The following KLHL1 variants were observed in gnomAD, a reference collection of about 807,000 sequenced individuals.
The protein encoded by KLHL1 is kelch like family member 1.
Under a neutral mutation model 77.7 loss-of-function variants are expected in KLHL1, and 47 were observed. The observed-to-expected ratio is 0.60, with a 90% CI of 0.48 to 0.77. The LOEUF (loss-of-function observed/expected upper bound fraction) is 0.77. Among genes scored for constraint, KLHL1 ranks in the 30% least tolerant of loss-of-function variants. The pLI is 0.00. For missense variants in KLHL1, 925 were observed against 910.8 expected (o/e 1.02, Z -0.20); for synonymous variants, 360 against 325.2 (o/e 1.11, Z -1.15).
At chr13:69,864,592 T>C (rs767915856) in intron 5 of KLHL1, among the ~76,000 whole-genome samples, 17 of 152,098 alleles carry the variant, frequency 1.1e-4, no homozygotes, top group Non-Finnish European at 2.2e-4. Flanking sequence ...ATTTTTCAAA[T>C]ATAGTTACTG....
chr13:70,084,650 A>ATTTTTTTTTC (rs1887486259), intron 1 of KLHL1, among the ~76,000 whole-genome samples: 1 of 14,430 alleles, frequency 6.9e-5, no homozygotes, highest in African/African-American at 2.7e-4. Flanking sequence ...TTTTTTTTTG[A>ATTTTTTTTTC]ATTTTTAGTA....
At chr13:69,871,162 G>T (rs1410869802) in intron 5 of KLHL1, among the ~76,000 whole-genome samples, 1 of 152,104 alleles carries the variant, frequency 6.6e-6, no homozygotes, top group East Asian at 1.9e-4. Context: ...TATGGAAGCT[G>T]CAAAGGCTTA....
In KLHL1 at chr13:69,982,209, G is replaced by A. The variant is rs1277909595; in HGVS notation, c.498-6407C>T. On this transcript the variant is annotated intron_variant, in intron 1 of 10. Transcript: ENST00000377844. The stretch of plus-strand genomic sequence containing the variant: ...AGCACTTTGGGAGGCCAAGGCGGGC[G>A]GATTACCTGAGTTCAGGAGTTTGAG... Among the ~76,000 whole-genome samples, 4 of 151,788 alleles carry A rather than the reference G, an allele frequency of 2.6e-5. No individual in the cohort carries two copies. In the East Asian group the frequency reaches 7.8e-4, roughly 29 times the overall value.
At position 69,992,923 on chromosome 13, in the gene KLHL1, GA is replaced by G. The variant is rs35249010; in HGVS notation, c.498-17122del. Among the ~76,000 whole-genome samples the G allele has an allele frequency of 4.9e-4, 73 of 147,506 alleles. 1 individual carries two copies. The highest frequency in any genetic ancestry group is 8.2e-4 in the African/African-American group (33 of 40,354). ...TTTGTATATAAATATGCTGCAGAGG[GA>G]AAAAAAAAACATGTACCTTTCTTAC... On this transcript the variant is annotated intron_variant, in intron 1 of 10. Coordinates refer to ENST00000377844, the MANE Select transcript of KLHL1 (RefSeq NM_020866.3).
chr13:69,886,151 G>T (rs1292485083), intron 4 of KLHL1, among the ~76,000 whole-genome samples: 2 of 152,026 alleles, frequency 1.3e-5, no homozygotes, highest in Non-Finnish European at 2.9e-5. Context: ...TGAATCTCAT[G>T]AACACACACA....
chr13:70,045,525 A>C (rs1593700015), intron 1 of KLHL1, among the ~76,000 whole-genome samples: 1 of 152,124 alleles, frequency 6.6e-6, no homozygotes, highest in South Asian at 2.1e-4. Flanking sequence ...GGGGAAAAGA[A>C]CTAATAAATA....
At chr13:69,880,153 C>G (rs1372111323) in intron 5 of KLHL1, among the ~76,000 whole-genome samples, 7 of 152,142 alleles carry the variant, frequency 4.6e-5, no homozygotes, top group South Asian at 2.1e-4. Context: ...TTTCCACTAG[C>G]TCTATGGACT....
At chr13:70,093,901 T>G (rs916342232) in intron 1 of KLHL1, among the ~76,000 whole-genome samples, 1 of 152,188 alleles carries the variant, frequency 6.6e-6, no homozygotes, top group Non-Finnish European at 1.5e-5. Flanking sequence ...CATATAAAGT[T>G]AATTAACTTG....
Position 70,107,672 on chromosome 13 carries a change from C to T in KLHL1, c.28G>A (p.Asp10Asn), listed in dbSNP as rs753112360. 50 of 1,534,300 alleles carry T rather than the reference C, an allele frequency of 3.3e-5. No homozygotes were observed. The highest frequency in any genetic ancestry group is 5.5e-5 in the African/African-American group (4 of 72,210). MSGSGRKDF[D>N]VKHILRLRWK... Reference sequence around the variant, plus strand: ...CGGAGTCGCAGAATGTGCTTCACATCGAAGTCTTTTCGCCCAGAGCCTGAC... The same window carrying T: ...CGGAGTCGCAGAATGTGCTTCACATTGAAGTCTTTTCGCCCAGAGCCTGAC... Residue 10 changes from aspartate to asparagine, a missense_variant, in exon 1 of 11, where the codon GAT (aspartate) becomes AAT (asparagine). By Grantham distance (23) the Asp-to-Asn change is conservative (BLOSUM62 1). Coordinates refer to ENST00000377844, the MANE Select transcript of KLHL1 (RefSeq NM_020866.3).
chr13:69,898,368 T>C (rs1405489014), intron 4 of KLHL1, among the ~76,000 whole-genome samples: 1 of 152,206 alleles, frequency 6.6e-6, no homozygotes, highest in Non-Finnish European at 1.5e-5. Flanking sequence ...AGAGGTCTTA[T>C]GCCAAGACCA....
At chr13:69,836,284 GAA>G (rs1480896363) in intron 6 of KLHL1, among the ~76,000 whole-genome samples, 1 of 152,120 alleles carries the variant, frequency 6.6e-6, no homozygotes, top group Non-Finnish European at 1.5e-5. Flanking sequence ...CTGTCCCTCA[GAA>G]AAGAGAATGG....
chr13:70,012,632 C>A (rs1049313703), intron 1 of KLHL1, among the ~76,000 whole-genome samples: 7 of 152,112 alleles, frequency 4.6e-5, no homozygotes, highest in African/African-American at 1.7e-4. Context: ...ACTCTAAGGC[C>A]AGGCACTGTG....
intron 1 of KLHL1, among the ~76,000 whole-genome samples, chr13:70,021,926 T>C (rs1290449087): frequency 6.6e-6 from 1 of 152,064 alleles, no homozygotes; most frequent in African/African-American, 2.4e-5. Context: ...GCAAGTAGTT[T>C]ATCCCAGTCT....
At chr13:70,070,669 AG>A in intron 1 of KLHL1, among the ~76,000 whole-genome samples, 1 of 152,110 alleles carries the variant, frequency 6.6e-6, no homozygotes, top group East Asian at 1.9e-4. Context: ...ACATATAGAA[AG>A]GAAGAATGCG....
intron 7 of KLHL1, among the ~76,000 whole-genome samples, chr13:69,746,928 G>C (rs573382834): frequency 6.6e-6 from 1 of 152,012 alleles, no homozygotes; most frequent in Admixed American, 6.6e-5. Flanking sequence ...TCCATAAAAA[G>C]GTTAAACTCT....
chr13:70,097,308 T>A lies in KLHL1; in HGVS notation c.497+9895A>T, dbSNP rs544941162. On this transcript the variant is annotated intron_variant, in intron 1 of 10. Transcript: ENST00000377844. ...ATAAAACTGAAACAACAAAAACAAA[T>A]CCTCAAAGCAGAGGAAAACTTCTTT... Among the ~76,000 whole-genome samples the A allele has an allele frequency of 3.4e-4, 51 of 152,040 alleles. 1 individual carries two copies. Among genetic ancestry groups the A allele is most frequent in the African/African-American group, 1.2e-3 (51 of 41,526 alleles).
intron 7 of KLHL1, among the ~76,000 whole-genome samples, chr13:69,751,794 G>A (rs1874495612): frequency 6.6e-6 from 1 of 152,118 alleles, no homozygotes; most frequent in Non-Finnish European, 1.5e-5. Context: ...GTGGAAAAAT[G>A]AGAATAGATG....
chr13:69,982,628 C>A (rs935228827), intron 1 of KLHL1, among the ~76,000 whole-genome samples: 3 of 151,320 alleles, frequency 2.0e-5, no homozygotes, highest in Non-Finnish European at 4.4e-5. Flanking sequence ...TCTTCCCTGT[C>A]AATAATTACC....
intron 3 of KLHL1, among the ~76,000 whole-genome samples, chr13:69,945,548 T>A (rs1002474214): frequency 6.6e-6 from 1 of 151,856 alleles, no homozygotes; most frequent in Non-Finnish European, 1.5e-5. Flanking sequence ...AAATCATATC[T>A]GATAAAATAT....
Sources: allele counts gnomAD v4.1 joint callset (sites outside exome capture counted in the v4.1 genomes callset), GRCh38; gene constraint gnomAD v4.1.1; transcripts MANE v1.5; gene names NCBI Gene and HGNC (gene_info 2026-07-23, HGNC 2026-07-21).